Variants in STX6 observed in about 807,000 individuals in gnomAD.
The protein encoded by STX6 is syntaxin-6.
Under a neutral mutation model 38.0 loss-of-function variants are expected in STX6, and 23 were observed. That is an observed-to-expected ratio of 0.60 (90% CI 0.43 to 0.86). The LOEUF (loss-of-function observed/expected upper bound fraction) is 0.86, where lower values mean the gene tolerates loss of function less well. STX6 is among the 40% of genes least tolerant of loss of function. The probability of loss-of-function intolerance (pLI) is 0.00; values close to 1 mark genes in which losing one functional copy is unlikely to be tolerated. For missense variants in STX6, 274 were observed against 312.9 expected (o/e 0.88, Z 0.94); for synonymous variants, 123 against 107.5 (o/e 1.14, Z -0.89).
At chr1:180,977,124 A>C (rs1249504621) in intron 7 of STX6, among the ~76,000 whole-genome samples, 1 of 152,234 alleles carries the variant, frequency 6.6e-6, no homozygotes, top group East Asian at 1.9e-4. Flanking sequence ...TATACAGCTG[A>C]AAAAGCAAGC....
intron 7 of STX6, among the ~76,000 whole-genome samples, chr1:180,979,784 C>T (rs1013419043): frequency 1.3e-5 from 2 of 152,126 alleles, no homozygotes; most frequent in Admixed American, 6.5e-5. Flanking sequence ...AGAATATTTG[C>T]AAAAGATTCA....
At chr1:180,998,205 CTAAAGTTGCAGTTTT>C (rs1655969054) in intron 3 of STX6, among the ~76,000 whole-genome samples, 1 of 152,084 alleles carries the variant, frequency 6.6e-6, no homozygotes, top group Non-Finnish European at 1.5e-5. Context: ...AATGTGTATT[CTAAAGTTGCAGTTTT>C]TAAAGTTTTA....
At chr1:180,977,490 C>T (rs1226795885) in intron 7 of STX6, among the ~76,000 whole-genome samples, 3 of 152,194 alleles carry the variant, frequency 2.0e-5, no homozygotes, top group Admixed American at 1.3e-4. Flanking sequence ...TGTGCAATAC[C>T]CAAACCTAGG....
At chr1:180,978,887 T>C (rs1439764860) in intron 7 of STX6, among the ~76,000 whole-genome samples, 1 of 152,150 alleles carries the variant, frequency 6.6e-6, no homozygotes, top group African/African-American at 2.4e-5. Context: ...ACCCAGTATA[T>C]CATGTCCACT....
chr1:180,988,104 C>G, intron 6 of STX6, 135 bp downstream of exon 6: 1 of 604,850 alleles, frequency 1.7e-6, no homozygotes. Context: ...ATCTGTAAAA[C>G]AGAATAAAAA....
At chr1:180,983,045 C>T (rs2102302797) in intron 7 of STX6, among the ~76,000 whole-genome samples, 1 of 152,314 alleles carries the variant, frequency 6.6e-6, no homozygotes, top group Non-Finnish European at 1.5e-5. Flanking sequence ...TTCTTAAAAA[C>T]ATTTACTAAG....
rs546179660 is a variant in STX6 at position 180,981,502 on chromosome 1, C to T, written c.691+3175G>A. Reference sequence around the variant, plus strand: ...CACTCCTATGTTTACCCCCTTCCCTCAGGCATCTCGCTATTCTCAGCACCA... The same window carrying T: ...CACTCCTATGTTTACCCCCTTCCCTTAGGCATCTCGCTATTCTCAGCACCA... On this transcript the variant is annotated intron_variant, in intron 7 of 7. Transcript: ENST00000258301. Among the ~76,000 whole-genome samples, 515 of 152,298 alleles carry T rather than the reference C, an allele frequency of 3.4e-3. 4 individuals are homozygous for T. Among genetic ancestry groups the T allele is most frequent in the Non-Finnish European group, 4.8e-3 (325 of 68,034 alleles).
intron 1 of STX6, among the ~76,000 whole-genome samples, chr1:181,018,365 G>C (rs1656623189): frequency 7.3e-6 from 1 of 136,136 alleles, no homozygotes; most frequent in Non-Finnish European, 1.5e-5. Context: ...CTCCAGCCTG[G>C]GCGACAGAGT....
intron 1 of STX6, among the ~76,000 whole-genome samples, chr1:181,015,423 A>C (rs1656527550): frequency 6.6e-6 from 1 of 152,156 alleles, no homozygotes; most frequent in Non-Finnish European, 1.5e-5. Flanking sequence ...ACTTGTCTAG[A>C]CAAGAGTCAT....
chr1:180,990,770 G>A (rs777538300), intron 4 of STX6, among the ~76,000 whole-genome samples: 2 of 152,168 alleles, frequency 1.3e-5, no homozygotes, highest in Non-Finnish European at 2.9e-5. Context: ...CTGCCCTAAA[G>A]TCAGAGTTCT....
chr1:180,984,293 C>T (rs973378015), intron 7 of STX6, among the ~76,000 whole-genome samples: 1 of 151,798 alleles, frequency 6.6e-6, no homozygotes, highest in African/African-American at 2.4e-5. Context: ...CGCCTATAAT[C>T]TCAGCATTTT....
At chr1:181,005,234 G>A in intron 2 of STX6, 60 bp downstream of exon 2, 1 of 1,556,678 alleles carries the variant, frequency 6.4e-7, no homozygotes, top group Non-Finnish European at 8.7e-7. Flanking sequence ...AACAACTGGA[G>A]AAAAACTTGT....
chr1:180,984,633 C>A (rs1253858950), intron 7 of STX6, 44 bp downstream of exon 7: 1 of 878,240 alleles, frequency 1.1e-6, no homozygotes, highest in East Asian at 2.6e-5. Context: ...AGACAGAGTT[C>A]TAGAATTAAG....
At chr1:180,997,731 A>C (rs1485256175) in intron 3 of STX6, among the ~76,000 whole-genome samples, 1 of 152,244 alleles carries the variant, frequency 6.6e-6, no homozygotes, top group African/African-American at 2.4e-5. Flanking sequence ...ACTACTGAAC[A>C]GCACTTCTCT....
chr1:181,013,568 T>C (rs777254635), intron 1 of STX6, among the ~76,000 whole-genome samples: 8 of 152,234 alleles, frequency 5.3e-5, no homozygotes, highest in Non-Finnish European at 1.2e-4. Flanking sequence ...TCCTCCTGCC[T>C]TGGCCTCCCC....
intron 7 of STX6, among the ~76,000 whole-genome samples, chr1:180,981,358 T>A (rs990290457): frequency 8.5e-5 from 13 of 152,192 alleles, no homozygotes; most frequent in African/African-American, 2.4e-4. Flanking sequence ...ATTAATTTTT[T>A]AAAAAGATTA....
At chr1:180,984,046 AGAGT>A (rs113357614) in intron 7 of STX6, among the ~76,000 whole-genome samples, 28 of 121,220 alleles carry the variant, frequency 2.3e-4, no homozygotes, top group African/African-American at 8.5e-4. Context: ...CCTGGGCAAC[AGAGT>A]GAGGCTCCAT....
rs557695212 is a variant in STX6 at position 181,013,418 on chromosome 1, A to G, written c.36-7955T>C. Among the ~76,000 whole-genome samples, 160 of 152,266 alleles carry G rather than the reference A, an allele frequency of 1.1e-3. 2 individuals are homozygous for G. Among genetic ancestry groups the G allele is most frequent in the Non-Finnish European group, 6.6e-4 (45 of 68,024 alleles). On this transcript the variant is annotated intron_variant, in intron 1 of 7. Coordinates refer to ENST00000258301, the MANE Select transcript of STX6 (RefSeq NM_005819.6). Reference sequence around the variant, plus strand: ...ACTGTAATCTCGAATTCCTGGGTTCAAAGGATTCTTCCGTCTCAGCCTCCC... The same window carrying G: ...ACTGTAATCTCGAATTCCTGGGTTCGAAGGATTCTTCCGTCTCAGCCTCCC...
intron 3 of STX6, among the ~76,000 whole-genome samples, chr1:180,999,060 C>T (rs897653178): frequency 9.9e-5 from 15 of 152,222 alleles, no homozygotes; most frequent in Admixed American, 3.3e-4. Flanking sequence ...GGATACTTCA[C>T]CCTTTTTGAT....
Sources: gnomAD v4.1 joint callset for allele counts (sites outside exome capture counted in the v4.1 genomes callset) on GRCh38, gnomAD v4.1.1 for gene constraint, MANE v1.5 for transcripts, NCBI Gene and HGNC (gene_info 2026-07-23, HGNC 2026-07-21) for gene names.